Variants in NDUFA9 observed in about 807,000 individuals in gnomAD.
NDUFA9 encodes NADH dehydrogenase [ubiquinone] 1 alpha subcomplex subunit 9, mitochondrial.
Under a neutral mutation model 45.9 loss-of-function variants are expected in NDUFA9, and 23 were observed. That is an observed-to-expected ratio of 0.50 (90% confidence interval 0.36 to 0.71). NDUFA9 has a LOEUF of 0.71. NDUFA9 is among the 30% of genes least tolerant of loss of function. The probability of loss-of-function intolerance (pLI) is 0.00; values close to 1 mark genes in which losing one functional copy is unlikely to be tolerated. For missense variants in NDUFA9, 466 were observed against 488.2 expected (o/e 0.95, Z 0.43); for synonymous variants, 176 against 170.5 (o/e 1.03, Z -0.25).
chr12:4,669,867 T>A, intron 8 of NDUFA9, 50 bp downstream of exon 8: 518 of 1,141,736 alleles, frequency 4.5e-4, no homozygotes, highest in Non-Finnish European at 6.3e-4. Flanking sequence ...AATGAAGGAA[T>A]CAATATCTAA....
chr12:4,679,959 G>A (rs767491144), intron 8 of NDUFA9, among the ~76,000 whole-genome samples: 1 of 152,156 alleles, frequency 6.6e-6, no homozygotes, highest in Non-Finnish European at 1.5e-5. Context: ...GCAAATGAGG[G>A]TTTGACCTTT....
In NDUFA9 at chr12:4,654,957, T is replaced by C. The variant is rs140721257; in HGVS notation, c.318+35T>C. The C allele has an allele frequency of 7.8e-6, 12 of 1,534,516 alleles. No individual in the cohort carries two copies. The African/African-American group carries it at 9.6e-5, about 12-fold the overall frequency. On this transcript the variant is annotated intron_variant, in intron 3 of 10. Coordinates refer to ENST00000266544, the MANE Select transcript of NDUFA9 (RefSeq NM_005002.5). ...TTTATGACTGAATGAAGTTGACAAATATAAATTACTAAGGTCATTTTTAGG... is the reference window on the plus strand; with the variant it reads ...TTTATGACTGAATGAAGTTGACAAACATAAATTACTAAGGTCATTTTTAGG...
chr12:4,670,740 T>TC (rs1945881440), intron 8 of NDUFA9, among the ~76,000 whole-genome samples: 8 of 152,342 alleles, frequency 5.3e-5, no homozygotes, highest in Admixed American at 2.0e-4. Context: ...AGTTCCCAGT[T>TC]TGGTACATTA....
chr12:4,667,410 G>T, intron 6 of NDUFA9: 1 of 156,634 alleles, frequency 6.4e-6, no homozygotes, highest in Non-Finnish European at 1.4e-5. Flanking sequence ...ATTTCTTTCA[G>T]CAATGTTTTG....
rs185852383 is a variant in NDUFA9 at position 4,653,886 on chromosome 12, G to A, written c.50-406G>A. Among the ~76,000 whole-genome samples the A allele has an allele frequency of 1.7e-3, 261 of 151,364 alleles. 4 individuals are homozygous for A. The highest frequency in any genetic ancestry group is 5.5e-3 in the African/African-American group (228 of 41,246). ...TGTGATGTGTTCCTCATGGGATTCT[G>A]TCCTTTCTTTTTTTTTTCCTCTTTT... On this transcript the variant is annotated intron_variant, in intron 1 of 10. Coordinates refer to ENST00000266544, the MANE Select transcript of NDUFA9 (RefSeq NM_005002.5).
At chr12:4,673,217 A>G (rs1321047514) in intron 8 of NDUFA9, among the ~76,000 whole-genome samples, 2 of 152,248 alleles carry the variant, frequency 1.3e-5, no homozygotes, top group African/African-American at 4.8e-5. Flanking sequence ...GCCGAAGGTC[A>G]CTGACTTCAA....
Position 4,672,495 on chromosome 12 carries a change from C to T in NDUFA9, c.800+2678C>T, listed in dbSNP as rs564588821. ...CTAAGATCTACTGGCTTGAAATTCT[C>T]GCTCCTAGCTCAGCAGTCTGAGTTC... is the stretch of plus-strand genomic sequence containing the variant. On this transcript the variant is annotated intron_variant, in intron 8 of 10. Coordinates refer to ENST00000266544, the MANE Select transcript of NDUFA9 (RefSeq NM_005002.5). Among the ~76,000 whole-genome samples, 580 of 152,322 alleles carry T rather than the reference C, an allele frequency of 3.8e-3. 5 individuals are homozygous for T. The highest frequency in any genetic ancestry group is 5.0e-3 in the Non-Finnish European group (337 of 68,022).
intron 6 of NDUFA9, among the ~76,000 whole-genome samples, chr12:4,665,636 C>T (rs1020161840): frequency 6.6e-6 from 1 of 152,038 alleles, no homozygotes; most frequent in Non-Finnish European, 1.5e-5. Context: ...TTTACTTTTT[C>T]GACAAGCCAC....
chr12:4,668,417 T>C, intron 6 of NDUFA9, 40 bp from the exon 7 acceptor site: 1 of 1,493,408 alleles, frequency 6.7e-7, no homozygotes, highest in Non-Finnish European at 9.3e-7. Context: ...TACAGCAATT[T>C]AAGCCTTCTC....
At chr12:4,674,103 C>G (rs558022000) in intron 8 of NDUFA9, among the ~76,000 whole-genome samples, 1 of 152,324 alleles carries the variant, frequency 6.6e-6, no homozygotes, top group African/African-American at 2.4e-5. Context: ...AAATCCTTTA[C>G]AGACAAGCAA....
intron 9 of NDUFA9, among the ~76,000 whole-genome samples, chr12:4,684,797 CT>C (rs1945974640): frequency 7.3e-6 from 1 of 137,348 alleles, no homozygotes; most frequent in African/African-American, 2.7e-5. Context: ...TAGCCTTCTC[CT>C]TGCTTTTGGA....
chr12:4,658,984 G>A (rs1445016072), intron 4 of NDUFA9, 52 bp from the exon 5 acceptor site: 3 of 1,530,706 alleles, frequency 2.0e-6, no homozygotes, highest in African/African-American at 2.8e-5. Flanking sequence ...GTAAAGCTTT[G>A]AGATCCTGTG....
Position 4,689,488 on chromosome 12 carries a change from G to T in NDUFA9, c.*2380G>T, listed in dbSNP as rs1349460394. ...GTGTCCCTGGGTACTTGAGATTAGG[G>T]AGTGGTGATGACTCTTAACGAGCAT... On this transcript the variant is annotated 3_prime_UTR_variant, in exon 11 of 11. Coordinates refer to ENST00000266544, the MANE Select transcript of NDUFA9 (RefSeq NM_005002.5). The T allele has an allele frequency of 1.3e-5, 2 of 155,732 alleles. No individual in the cohort carries two copies. Among genetic ancestry groups the T allele is most frequent in the Non-Finnish European group, 1.4e-5 (1 of 70,788 alleles). The allele number at this position is 155,732 out of a possible 1,614,324, so 9.6% of individuals were successfully genotyped here.
At chr12:4,655,250 A>G (rs1356994240) in intron 3 of NDUFA9, 1 of 207,522 alleles carries the variant, frequency 4.8e-6, no homozygotes, top group Non-Finnish European at 9.7e-6. Flanking sequence ...GCATGGCTGC[A>G]TTTCAGTAAA....
chr12:4,665,479 A>G (rs1287082967), intron 6 of NDUFA9, among the ~76,000 whole-genome samples: 1 of 152,242 alleles, frequency 6.6e-6, no homozygotes, highest in Non-Finnish European at 1.5e-5. Context: ...TTAATAAGCC[A>G]TCCATCAATG....
chr12:4,683,570 T>C lies in NDUFA9; in HGVS notation c.896+1270T>C, dbSNP rs1360128501. Reference sequence around the variant, plus strand: ...CCACTAGAATGCAGGGTGATAACGATATTTATTGAGTGTTACACCTTTCAG... The same window carrying C: ...CCACTAGAATGCAGGGTGATAACGACATTTATTGAGTGTTACACCTTTCAG... On this transcript the variant is annotated intron_variant, in intron 9 of 10. Coordinates refer to ENST00000266544, the MANE Select transcript of NDUFA9 (RefSeq NM_005002.5). Among the ~76,000 whole-genome samples the C allele has an allele frequency of 5.3e-5, 8 of 152,342 alleles. No homozygotes were observed. In the East Asian group the frequency reaches 1.3e-3, roughly 26 times the overall value.
rs2137485901 is a variant in NDUFA9, at chr12:4,682,221, C to T, written c.817C>T (p.Leu273Phe). The change falls in exon 9 of 11, where the codon CTT becomes TTT. Residue 273 changes from leucine to phenylalanine, a missense_variant. Leu to Phe is a conservative substitution (Grantham distance 22). Transcript: ENST00000266544. ...TTTTTATAGTCCCAGTCGGTACCTCCTTTTCCACCTGGTGAAGTACATCTT... is the reference window on the plus strand; with the variant it reads ...TTTTTATAGTCCCAGTCGGTACCTCTTTTTCCACCTGGTGAAGTACATCTT... ...FAFVGPSRYLLFHLVKYIFAV... is the reference protein window; with the variant it reads ...FAFVGPSRYLFFHLVKYIFAV... 2 of 1,611,738 alleles carry T rather than the reference C, an allele frequency of 1.2e-6. No homozygotes were observed. Among genetic ancestry groups the T allele is most frequent in the South Asian group, 1.1e-5 (1 of 90,686 alleles).
chr12:4,678,978 A>G (rs542338073), intron 8 of NDUFA9, among the ~76,000 whole-genome samples: 5 of 152,236 alleles, frequency 3.3e-5, no homozygotes, highest in Non-Finnish European at 5.9e-5. Flanking sequence ...TTGAATTTTC[A>G]TAGCAGCGTT....
At chr12:4,682,919 A>T (rs1945962371) in intron 9 of NDUFA9, among the ~76,000 whole-genome samples, 2 of 152,172 alleles carry the variant, frequency 1.3e-5, no homozygotes, top group Admixed American at 1.3e-4. Flanking sequence ...ATACCAAATT[A>T]GCTGGATGTG....
Sources: allele counts gnomAD v4.1 joint callset (sites outside exome capture counted in the v4.1 genomes callset), GRCh38; gene constraint gnomAD v4.1.1; transcripts MANE v1.5; gene names NCBI Gene and HGNC (gene_info 2026-07-23, HGNC 2026-07-21).